MTUS1: variants seen among roughly 807,000 people sequenced by gnomAD.
MTUS1 encodes the protein microtubule-associated tumor suppressor 1.
Under a neutral mutation model 120.8 loss-of-function variants are expected in MTUS1, and 109 were observed. The ratio of observed to expected loss-of-function variants is 0.90; its 90% CI spans 0.77 to 1.06. The LOEUF is 1.06. MTUS1 is among the 50% of genes least tolerant of loss of function. MTUS1 has a pLI of 0.00. For synonymous variants in MTUS1, 737 were observed against 550.5 expected, an observed-to-expected ratio of 1.34 and a Z score of -4.74; for missense variants, 2,210 against 1,486.3, an observed-to-expected ratio of 1.49 and a Z score of -8.01.
At chr8:17,727,988 G>GTA (rs2046327151) in intron 3 of MTUS1, among the ~76,000 whole-genome samples, 1 of 152,122 alleles carries the variant, frequency 6.6e-6, no homozygotes, top group South Asian at 2.1e-4. Context: ...ACCTGAGTAA[G>GTA]TATACTATAT....
intron 1 of MTUS1, among the ~76,000 whole-genome samples, chr8:17,782,063 G>A (rs982053043): frequency 2.0e-5 from 3 of 152,176 alleles, no homozygotes; most frequent in Admixed American, 6.5e-5. Flanking sequence ...GGGCAAGTCC[G>A]TGGTTTTATG....
intron 1 of MTUS1, among the ~76,000 whole-genome samples, chr8:17,797,672 G>A (rs974673261): frequency 3.3e-5 from 5 of 151,944 alleles, no homozygotes; most frequent in Non-Finnish European, 5.9e-5. Context: ...ACCTCCCTCC[G>A]GGGCCTGCCT....
At chr8:17,695,577 G>T (rs1817780522) in intron 6 of MTUS1, among the ~76,000 whole-genome samples, 1 of 152,190 alleles carries the variant, frequency 6.6e-6, no homozygotes, top group Non-Finnish European at 1.5e-5. Flanking sequence ...TGTGTCGTTT[G>T]CTTACGCTGT....
intron 1 of MTUS1, among the ~76,000 whole-genome samples, chr8:17,779,171 G>C (rs1425285396): frequency 1.3e-5 from 2 of 152,222 alleles, no homozygotes; most frequent in African/African-American, 2.4e-5. Flanking sequence ...TTCTAAATGT[G>C]TCATTACAGC....
In MTUS1 at chr8:17,702,517, AACAAACCTTG is replaced by A. The variant is rs1819300143; in HGVS notation, c.2623+10687_2623+10696del. 2.0e-5 allele frequency among the ~76,000 whole-genome samples: 3 copies of A among 152,280 alleles called. No homozygotes were observed. The South Asian group carries it at 6.2e-4, about 32-fold the overall frequency. ...CTCGAAAACCTTTTCGCCCTTGCATAACAAACCTTGTACCATTGAACATCAAGTTCCCATT... is the reference window on the plus strand; with the variant it reads ...CTCGAAAACCTTTTCGCCCTTGCATATACCATTGAACATCAAGTTCCCATT... On this transcript the variant is annotated intron_variant, in intron 6 of 14. Coordinates refer to ENST00000693296, the MANE Select transcript of MTUS1 (RefSeq NM_001363059.2).
At chr8:17,679,068 G>A (rs1386973623) in intron 7 of MTUS1, among the ~76,000 whole-genome samples, 2 of 152,096 alleles carry the variant, frequency 1.3e-5, no homozygotes, top group African/African-American at 2.4e-5. Context: ...CCACTACAGT[G>A]GGAAACTTAT....
rs777631177 is a variant in MTUS1 at position 17,675,252 on chromosome 8, G to C, written c.2839C>G (p.Arg947Gly). 6.2e-7 allele frequency: 1 copy of C among 1,613,678 alleles called. No individual in the cohort carries two copies. Among genetic ancestry groups the C allele is most frequent in the African/African-American group, 1.3e-5 (1 of 74,890 alleles). ...TTGTGTTGTTTCAGTGCTTCCTCCC[G>C]CTGCGGAAAACACACATCAAGTTAC... is the stretch of plus-strand genomic sequence containing the variant. ...TVVIQHLLSE[R>G]EEALKQHKTL... Residue 947 changes from arginine to glycine, a missense_variant and splice_region_variant, in exon 8 of 15, where the codon CGG becomes GGG. Physicochemically the swap from Arg to Gly is moderately radical, Grantham distance 125. Coordinates refer to ENST00000693296, the MANE Select transcript of MTUS1 (RefSeq NM_001363059.2).
At chr8:17,722,678 A>T (rs1433154581) in intron 4 of MTUS1, 1 of 423,508 alleles carries the variant, frequency 2.4e-6, no homozygotes. Context: ...CAATTCCCTC[A>T]CATAGCTGCT....
At chr8:17,759,025 G>T (rs2048837189) in intron 1 of MTUS1, among the ~76,000 whole-genome samples, 2 of 152,160 alleles carry the variant, frequency 1.3e-5, no homozygotes, top group African/African-American at 2.4e-5. Context: ...GGGATTACAG[G>T]CGCCCGCCAC....
At chr8:17,764,747 A>G (rs762820172) in intron 1 of MTUS1, among the ~76,000 whole-genome samples, 1 of 152,228 alleles carries the variant, frequency 6.6e-6, no homozygotes, top group East Asian at 1.9e-4. Flanking sequence ...ATGATTTACA[A>G]AAAAGAGGCA....
chr8:17,704,113 T>C (rs935259172), intron 6 of MTUS1: 24 of 152,162 alleles, frequency 1.6e-4, no homozygotes, highest in African/African-American at 5.8e-4. Context: ...ATAACCTACA[T>C]TGAAATATTG....
chr8:17,769,434 G>A (rs12156255), intron 1 of MTUS1, among the ~76,000 whole-genome samples: 27,865 of 147,278 alleles, frequency 0.19, 2,712 homozygotes, highest in Admixed American at 0.21. Flanking sequence ...TGCAAGCTCC[G>A]CCTCCCGGGT....
At chr8:17,769,741 G>C (rs1281580884) in intron 1 of MTUS1, among the ~76,000 whole-genome samples, 1 of 152,050 alleles carries the variant, frequency 6.6e-6, no homozygotes, top group East Asian at 1.9e-4. Context: ...AAATAACAAA[G>C]TTGTGTTTCC....
At chr8:17,740,002 T>G (rs2047193681) in intron 3 of MTUS1, among the ~76,000 whole-genome samples, 1 of 152,166 alleles carries the variant, frequency 6.6e-6, no homozygotes, top group African/African-American at 2.4e-5. Flanking sequence ...GGTCAGAAGT[T>G]CGAGACCGGC....
chr8:17,681,335 T>C (rs555602167), intron 7 of MTUS1, among the ~76,000 whole-genome samples: 1 of 152,190 alleles, frequency 6.6e-6, no homozygotes, highest in Non-Finnish European at 1.5e-5. Context: ...ATGTAGGTAT[T>C]GTGGGCAAGG....
At chr8:17,685,137 T>C (rs1382223008) in intron 6 of MTUS1, among the ~76,000 whole-genome samples, 1 of 152,196 alleles carries the variant, frequency 6.6e-6, no homozygotes, top group Non-Finnish European at 1.5e-5. Flanking sequence ...AGTACTATAC[T>C]GTTGACTATA....
Position 17,721,976 on chromosome 8 carries a change from T to C in MTUS1, c.2449+1696A>G, listed in dbSNP as rs144187199. 9,346 of 1,455,358 alleles carry C rather than the reference T, an allele frequency of 6.4e-3. 54 individuals carry two copies. The highest frequency in any genetic ancestry group is 7.3e-3 in the Non-Finnish European group (8,076 of 1,102,496). The allele number at this position is 1,455,358 out of a possible 1,614,324, so 90.2% of individuals were successfully genotyped here. On this transcript the variant is annotated intron_variant, in intron 4 of 14. Transcript: ENST00000693296. Reference sequence around the variant, plus strand: ...CTCTCATATCCCTCATGCTTGCTCTTAGTGAATTCGAATGGAGGGAAAAAA... The same window carrying C: ...CTCTCATATCCCTCATGCTTGCTCTCAGTGAATTCGAATGGAGGGAAAAAA...
At chr8:17,763,307 T>C (rs760625366) in intron 1 of MTUS1, among the ~76,000 whole-genome samples, 27 of 152,200 alleles carry the variant, frequency 1.8e-4, no homozygotes, top group Non-Finnish European at 3.5e-4. Flanking sequence ...TTTCTTAAAG[T>C]AGATACAGAC....
At chr8:17,683,463 T>C (rs1815057117) in intron 7 of MTUS1, among the ~76,000 whole-genome samples, 1 of 152,200 alleles carries the variant, frequency 6.6e-6, no homozygotes, top group East Asian at 1.9e-4. Context: ...AACAGTTTTC[T>C]TTTTGCTTTT....
Sources: gnomAD v4.1 joint callset for allele counts (sites outside exome capture counted in the v4.1 genomes callset) on GRCh38, gnomAD v4.1.1 for gene constraint, MANE v1.5 for transcripts, NCBI Gene and HGNC (gene_info 2026-07-23, HGNC 2026-07-21) for gene names.